The following ATL2 variants were observed in gnomAD, a reference collection of about 807,000 sequenced individuals.
The protein encoded by ATL2 is atlastin GTPase 2.
A neutral mutation model predicts 73.9 loss-of-function variants in ATL2; 31 were observed. The observed-to-expected ratio is 0.42, with a 90% CI of 0.32 to 0.57. ATL2 has a LOEUF of 0.57. Among genes scored for constraint, ATL2 ranks in the 20% least tolerant of loss-of-function variants. The pLI is 0.14. For missense variants in ATL2, 738 were observed against 702.6 expected (o/e 1.05, Z -0.57); for synonymous variants, 291 against 237.5 (o/e 1.23, Z -2.07).
rs375965661 is a variant in ATL2, at chr2:38,322,945, G to A, written c.364-3926C>T. ...GAACTAATCAGATTCTTTAAAACGT[G>A]TAAAAGTGTATAATTTCTCTAACAT... is the stretch of plus-strand genomic sequence containing the variant. On this transcript the variant is annotated intron_variant, in intron 2 of 12. Coordinates refer to ENST00000378954, the MANE Select transcript of ATL2 (RefSeq NM_001135673.4). Among the ~76,000 whole-genome samples, 27 of 152,266 alleles carry A rather than the reference G, an allele frequency of 1.8e-4. 3 individuals carry two copies. Among genetic ancestry groups the A allele is most frequent in the Admixed American group, 9.2e-4 (14 of 15,292 alleles).
At chr2:38,336,595 G>A (rs1191117252) in intron 2 of ATL2, among the ~76,000 whole-genome samples, 2 of 152,120 alleles carry the variant, frequency 1.3e-5, no homozygotes, top group Non-Finnish European at 2.9e-5. Context: ...AAAGTAACCT[G>A]TACTTTACTT....
Position 38,357,299 on chromosome 2 carries a change from G to C in ATL2, c.119-13787C>G, listed in dbSNP as rs1285710232. Among the ~76,000 whole-genome samples the C allele has an allele frequency of 3.9e-5, 6 of 152,136 alleles. No homozygotes were observed. The East Asian group carries it at 1.2e-3, about 29-fold the overall frequency. On this transcript the variant is annotated intron_variant, in intron 1 of 12. Transcript: ENST00000378954. ...GCCAAGATCACGCCACTGCACTCCA[G>C]CCTGGCAACAGAGGAAGACTCCGTC...
At chr2:38,298,967 T>C (rs1454772340) in intron 11 of ATL2, among the ~76,000 whole-genome samples, 1 of 152,214 alleles carries the variant, frequency 6.6e-6, no homozygotes, top group Non-Finnish European at 1.5e-5. Context: ...CTTAAACTAA[T>C]GCTACCAACA....
At chr2:38,323,363 T>G (rs1668429699) in intron 2 of ATL2, among the ~76,000 whole-genome samples, 1 of 141,158 alleles carries the variant, frequency 7.1e-6, no homozygotes, top group African/African-American at 2.6e-5. Context: ...TTTTTTTTTT[T>G]TTTTTTTTTT....
At chr2:38,367,534 A>C (rs901673875) in intron 1 of ATL2, among the ~76,000 whole-genome samples, 1 of 124,614 alleles carries the variant, frequency 8.0e-6, no homozygotes, top group African/African-American at 2.9e-5. Flanking sequence ...TGAACCCGGA[A>C]GGCGGAGCTT....
intron 12 of ATL2, among the ~76,000 whole-genome samples, chr2:38,297,664 TCATAGTA>T (rs1477968432): frequency 6.6e-6 from 1 of 152,186 alleles, no homozygotes; most frequent in Admixed American, 6.5e-5. Flanking sequence ...GGATTGTTCC[TCATAGTA>T]CATCAGGAAA....
At position 38,323,106 on chromosome 2, in the gene ATL2, T is replaced by C. The variant is rs78375270; in HGVS notation, c.364-4087A>G. Among the ~76,000 whole-genome samples the C allele has an allele frequency of 1.7e-3, 261 of 152,242 alleles. 4 individuals are homozygous for C. The East Asian group carries it at 0.048, about 28-fold the overall frequency. On this transcript the variant is annotated intron_variant, in intron 2 of 12. Coordinates refer to ENST00000378954, the MANE Select transcript of ATL2 (RefSeq NM_001135673.4). ...AACATTCCTGCCCACAAAGAGAATTTTAGTGGGAGCTAAAGGCAGCCTTGC... is the reference window on the plus strand; with the variant it reads ...AACATTCCTGCCCACAAAGAGAATTCTAGTGGGAGCTAAAGGCAGCCTTGC...
chr2:38,295,965 G>A lies in ATL2; in HGVS notation c.*29C>T. 2.0e-6 allele frequency: 3 copies of A among 1,472,872 alleles called. No individual in the cohort carries two copies. The highest frequency in any genetic ancestry group is 1.4e-5 in the African/African-American group (1 of 70,828). The allele number at this position is 1,472,872 out of a possible 1,614,324, so 91.2% of individuals were successfully genotyped here. A position where few individuals can be genotyped will look rare whatever the true frequency, so the allele number is the denominator to read the frequency against. On this transcript the variant is annotated 3_prime_UTR_variant, in exon 13 of 13. Transcript: ENST00000378954. ...TTGTACAGCAAGCATGAAAAAAAAA[G>A]AGAGTGGAGTCCGTGAGGAGATGAA...
In ATL2 at chr2:38,295,337, A is replaced by G. The variant is rs1175146755; in HGVS notation, c.*657T>C. On this transcript the variant is annotated 3_prime_UTR_variant, in exon 13 of 13. Transcript: ENST00000378954. ...AAAATTAATGGCATATTTTATATAC[A>G]TGAAGGCTAAACTGCAAAAAGACAG... 5 of 152,252 alleles carry G rather than the reference A, an allele frequency of 3.3e-5. No homozygotes were observed. The highest frequency in any genetic ancestry group is 3.3e-4 in the Admixed American group (5 of 15,292). 9.4% of individuals were successfully genotyped at this position (152,252 alleles called of 1,614,324 possible).
At chr2:38,321,942 T>C (rs1477100453) in intron 2 of ATL2, among the ~76,000 whole-genome samples, 1 of 152,102 alleles carries the variant, frequency 6.6e-6, no homozygotes, top group African/African-American at 2.4e-5. Context: ...CAATCCATCT[T>C]TAATTTACTC....
intron 9 of ATL2, among the ~76,000 whole-genome samples, chr2:38,306,063 T>C (rs985220843): frequency 2.6e-5 from 4 of 152,100 alleles, no homozygotes; most frequent in Non-Finnish European, 5.9e-5. Flanking sequence ...AAAGGAGACA[T>C]TGCAACTGAT....
intron 1 of ATL2, among the ~76,000 whole-genome samples, chr2:38,366,242 A>C (rs1671326006): frequency 6.6e-6 from 1 of 152,226 alleles, no homozygotes; most frequent in African/African-American, 2.4e-5. Flanking sequence ...TGAAGGAAGG[A>C]GATGTTAGCA....
intron 1 of ATL2, among the ~76,000 whole-genome samples, chr2:38,360,308 T>G (rs1670938370): frequency 1.3e-5 from 2 of 151,204 alleles, no homozygotes; most frequent in South Asian, 4.2e-4. Flanking sequence ...TGTTTTGAGA[T>G]GGGGTCTTGC....
intron 3 of ATL2, 39 bp from the exon 4 acceptor site, chr2:38,318,678 T>C: frequency 6.7e-7 from 1 of 1,492,624 alleles, no homozygotes; most frequent in Non-Finnish European, 9.1e-7. Context: ...GTAAAACAGT[T>C]GCCAAAAATG....
At chr2:38,364,417 C>T (rs534453950) in intron 1 of ATL2, among the ~76,000 whole-genome samples, 4 of 152,044 alleles carry the variant, frequency 2.6e-5, no homozygotes, top group African/African-American at 9.7e-5. Flanking sequence ...AAGTGTAATG[C>T]GCAAATCAGA....
At chr2:38,329,621 A>C (rs1477136962) in intron 2 of ATL2, among the ~76,000 whole-genome samples, 1 of 151,934 alleles carries the variant, frequency 6.6e-6, no homozygotes, top group East Asian at 1.9e-4. Flanking sequence ...CTAATACCAA[A>C]ACCAGACAAA....
rs374268677 is a variant in ATL2, at chr2:38,307,855, T to C, written c.1071+1524A>G. ...AGACAAACAAATGGGATACAGGATA[T>C]GAAAACATCACTGATCATCAGAGAA... On this transcript the variant is annotated intron_variant, in intron 9 of 12. Coordinates refer to ENST00000378954, the MANE Select transcript of ATL2 (RefSeq NM_001135673.4). Among the ~76,000 whole-genome samples the C allele has an allele frequency of 3.9e-5, 6 of 152,130 alleles. No individual in the cohort carries two copies. The East Asian group carries it at 7.7e-4, about 20-fold the overall frequency.
intron 1 of ATL2, among the ~76,000 whole-genome samples, chr2:38,361,353 C>CAAA (rs921670483): frequency 2.0e-4 from 12 of 59,758 alleles, no homozygotes; most frequent in Admixed American, 3.8e-4. Flanking sequence ...GACTCCGTCT[C>CAAA]AAAAAAAAAA....
intron 1 of ATL2, among the ~76,000 whole-genome samples, chr2:38,352,932 T>G (rs1027215107): frequency 1.3e-5 from 2 of 152,182 alleles, no homozygotes; most frequent in Non-Finnish European, 2.9e-5. Context: ...TAACGAAGTA[T>G]GAAGCAAAGC....
Sources: allele counts gnomAD v4.1 joint callset (sites outside exome capture counted in the v4.1 genomes callset), GRCh38; gene constraint gnomAD v4.1.1; transcripts MANE v1.5; gene names NCBI Gene and HGNC (gene_info 2026-07-23, HGNC 2026-07-21).